The following PARD3B variants were observed in gnomAD, a reference collection of about 807,000 sequenced individuals.
The protein encoded by PARD3B is partitioning defective 3 homolog B.
A neutral mutation model predicts 130.2 loss-of-function variants in PARD3B; 103 were observed. The ratio of observed to expected loss-of-function variants is 0.79; its 90% CI spans 0.67 to 0.93. The LOEUF (loss-of-function observed/expected upper bound fraction) is 0.93, where lower values mean the gene tolerates loss of function less well. Among genes scored for constraint, PARD3B ranks in the 40% least tolerant of loss-of-function variants. PARD3B has a pLI of 0.00. For missense variants in PARD3B, 1,609 were observed against 1,499.2 expected (o/e 1.07, Z -1.21); for synonymous variants, 583 against 553.2 (o/e 1.05, Z -0.76).
intron 2 of PARD3B, among the ~76,000 whole-genome samples, chr2:204,783,727 A>G (rs2041917960): frequency 6.6e-6 from 1 of 152,108 alleles, no homozygotes; most frequent in Non-Finnish European, 1.5e-5. Context: ...GTCTCACTCA[A>G]AGGCACAGTA....
rs1416360776 is a variant in PARD3B at position 205,619,876 on chromosome 2, A to G, written c.*4063A>G. The stretch of plus-strand genomic sequence containing the variant: ...CCTTCAGAAAGTGTTCTCCTGTTCC[A>G]TCTGTAGGGCTGCTTACTACTGGAA... On this transcript the variant is annotated 3_prime_UTR_variant, in exon 23 of 23. Transcript: ENST00000406610. The G allele has an allele frequency of 1.3e-5, 2 of 152,160 alleles. No individual in the cohort carries two copies. Among genetic ancestry groups the G allele is most frequent in the African/African-American group, 4.8e-5 (2 of 41,442 alleles). 9.4% of individuals were successfully genotyped at this position (152,160 alleles called of 1,614,324 possible). A position where few individuals can be genotyped will look rare whatever the true frequency, so the allele number is the denominator to read the frequency against.
At chr2:204,638,661 T>A (rs1244410672) in intron 1 of PARD3B, among the ~76,000 whole-genome samples, 1 of 152,082 alleles carries the variant, frequency 6.6e-6, no homozygotes, top group Non-Finnish European at 1.5e-5. Flanking sequence ...GACTATGCCA[T>A]CTGTAAGCAT....
intron 10 of PARD3B, among the ~76,000 whole-genome samples, chr2:205,156,324 A>G (rs867791658): frequency 2.0e-5 from 3 of 151,430 alleles, no homozygotes; most frequent in Non-Finnish European, 4.4e-5. Context: ...ATGACGAGTT[A>G]ATGGGTGCAG....
At chr2:205,273,349 C>A (rs139592366) in intron 16 of PARD3B, among the ~76,000 whole-genome samples, 1 of 152,196 alleles carries the variant, frequency 6.6e-6, no homozygotes, top group Non-Finnish European at 1.5e-5. Flanking sequence ...GGAAAGAGTT[C>A]GCTCCTTTGT....
At chr2:204,619,078 C>A (rs750254199) in intron 1 of PARD3B, among the ~76,000 whole-genome samples, 1 of 152,128 alleles carries the variant, frequency 6.6e-6, no homozygotes, top group Non-Finnish European at 1.5e-5. Flanking sequence ...TGACTGTGCT[C>A]TTTTTGCTTT....
intron 2 of PARD3B, among the ~76,000 whole-genome samples, chr2:204,770,710 C>T (rs2041333142): frequency 6.6e-6 from 1 of 151,902 alleles, no homozygotes; most frequent in Non-Finnish European, 1.5e-5. Flanking sequence ...GGAAAAGATC[C>T]ACTACTCATA....
intron 1 of PARD3B, among the ~76,000 whole-genome samples, chr2:204,559,132 G>A (rs1213306570): frequency 3.3e-5 from 5 of 152,178 alleles, no homozygotes; most frequent in Admixed American, 1.3e-4. Context: ...ATAGGCATGG[G>A]CAAGGACTTC....
At chr2:204,741,954 G>A (rs920594892) in intron 2 of PARD3B, among the ~76,000 whole-genome samples, 3 of 152,046 alleles carry the variant, frequency 2.0e-5, no homozygotes, top group African/African-American at 7.2e-5. Flanking sequence ...TGTGGTCCCT[G>A]GGCCAATAGT....
At chr2:204,922,492 CAA>C (rs2047719697) in intron 2 of PARD3B, among the ~76,000 whole-genome samples, 1 of 151,872 alleles carries the variant, frequency 6.6e-6, no homozygotes, top group South Asian at 2.1e-4. Context: ...CAGTGTTTAA[CAA>C]GTTCCAGGCA....
chr2:204,734,048 A>G (rs960852749), intron 2 of PARD3B, among the ~76,000 whole-genome samples: 4 of 152,174 alleles, frequency 2.6e-5, no homozygotes, highest in African/African-American at 7.2e-5. Flanking sequence ...CTAGTGTCTA[A>G]CATACACAGA....
intron 16 of PARD3B, among the ~76,000 whole-genome samples, chr2:205,262,720 T>G (rs1475149677): frequency 6.6e-6 from 1 of 152,122 alleles, no homozygotes. Flanking sequence ...CTAAACACTA[T>G]GTAGGGGAAT....
chr2:204,861,903 CA>C (rs1278977640), intron 2 of PARD3B, among the ~76,000 whole-genome samples: 1 of 42,922 alleles, frequency 2.3e-5, no homozygotes. Context: ...TCAGTTAAGA[CA>C]TTTAAAAGAA....
intron 2 of PARD3B, among the ~76,000 whole-genome samples, chr2:204,771,624 A>T (rs1287448066): frequency 6.6e-6 from 1 of 152,092 alleles, no homozygotes; most frequent in African/African-American, 2.4e-5. Flanking sequence ...AGCATCATGC[A>T]ATACCCATAT....
intron 2 of PARD3B, among the ~76,000 whole-genome samples, chr2:204,803,479 C>T (rs1370781100): frequency 6.6e-6 from 1 of 151,850 alleles, no homozygotes; most frequent in East Asian, 1.9e-4. Flanking sequence ...AACAACTTTT[C>T]AAGAAATAGA....
chr2:204,555,449 T>C (rs1212682912), intron 1 of PARD3B, among the ~76,000 whole-genome samples: 1 of 152,112 alleles, frequency 6.6e-6, no homozygotes, highest in Non-Finnish European at 1.5e-5. Context: ...TCCCAGCTAC[T>C]TGAGAGGCCG....
chr2:204,996,853 T>A (rs551964331), intron 3 of PARD3B, among the ~76,000 whole-genome samples: 137 of 147,612 alleles, frequency 9.3e-4, no homozygotes, highest in Middle Eastern at 3.5e-3. Flanking sequence ...TCCAGGTGCG[T>A]CCGTCACCCC....
At chr2:205,035,162 C>G (rs529304517) in intron 3 of PARD3B, among the ~76,000 whole-genome samples, 1 of 152,090 alleles carries the variant, frequency 6.6e-6, no homozygotes, top group African/African-American at 2.4e-5. Flanking sequence ...CACACCTGGC[C>G]AGCCATGTGT....
At chr2:204,662,009 G>A (rs967901444) in intron 1 of PARD3B, among the ~76,000 whole-genome samples, 3 of 152,120 alleles carry the variant, frequency 2.0e-5, no homozygotes, top group Non-Finnish European at 4.4e-5. Flanking sequence ...TTGACAAATG[G>A]TAGTTTCTTA....
chr2:205,496,837 T>C (rs1375185749), intron 20 of PARD3B, among the ~76,000 whole-genome samples: 1 of 151,926 alleles, frequency 6.6e-6, no homozygotes, highest in Non-Finnish European at 1.5e-5. Context: ...TTATTACTGA[T>C]GACTTCATTC....
Sources: gnomAD v4.1 joint callset for allele counts (sites outside exome capture counted in the v4.1 genomes callset) on GRCh38, gnomAD v4.1.1 for gene constraint, MANE v1.5 for transcripts, NCBI Gene and HGNC (gene_info 2026-07-23, HGNC 2026-07-21) for gene names.